PDE6B: variants seen among roughly 807,000 people sequenced by gnomAD.
PDE6B encodes rod cGMP-specific 3',5'-cyclic phosphodiesterase subunit beta.
A neutral mutation model predicts 109.0 loss-of-function variants in PDE6B; 106 were observed. The ratio of observed to expected loss-of-function variants is 0.97; its 90% CI spans 0.83 to 1.14. PDE6B has a LOEUF of 1.14. Among genes scored for constraint, PDE6B ranks in the 50% most tolerant of loss-of-function variants. PDE6B has a pLI of 0.00. For synonymous variants in PDE6B, 490 were observed against 471.3 expected (o/e 1.04, Z -0.51); for missense variants, 1,193 against 1,155.6 (o/e 1.03, Z -0.47).
chr4:634,558 C>G, intron 1 of PDE6B, 119 bp from the exon 2 acceptor site: 1 of 873,174 alleles, frequency 1.1e-6, no homozygotes, highest in Middle Eastern at 3.2e-4. Flanking sequence ...AGCAGGGCCC[C>G]TGGGCACCTC....
chr4:657,972 G>A (rs1273462568), intron 10 of PDE6B, among the ~76,000 whole-genome samples: 2 of 143,506 alleles, frequency 1.4e-5, no homozygotes, highest in Admixed American at 6.9e-5. Flanking sequence ...CTGTGCAGCA[G>A]AGGCAGGTCA....
Position 647,815 on chromosome 4 carries a change from G to A in PDE6B, c.712-6037G>A, listed in dbSNP as rs532331165. ...TGGCCAGGTGTGATGGCTCATGCCT[G>A]TAATCCCAGCACTTTGGGAGGCTGA... On this transcript the variant is annotated intron_variant, in intron 3 of 21. Transcript: ENST00000496514. 1.2e-4 allele frequency among the ~76,000 whole-genome samples: 18 copies of A among 152,158 alleles called. No homozygotes were observed. The South Asian group carries it at 2.7e-3, about 23-fold the overall frequency.
chr4:646,326 G>A (rs1415961001), intron 3 of PDE6B, among the ~76,000 whole-genome samples: 2 of 151,854 alleles, frequency 1.3e-5, no homozygotes, highest in African/African-American at 4.9e-5. Flanking sequence ...CATCGTTTCT[G>A]ATGAGATGTT....
Position 657,359 on chromosome 4 carries a change from A to G in PDE6B, c.1266A>G (p.Thr422=). The G allele has an allele frequency of 1.2e-6, 2 of 1,612,990 alleles. No individual in the cohort carries two copies. The highest frequency in any genetic ancestry group is 4.5e-5 in the East Asian group (2 of 44,882). Reference sequence around the variant, plus strand: ...ACTGCCATCCCCTCCAGTCCCTGACACAGTTCCTGGGCTGGTCAGTGATGA... The same window carrying G: ...ACTGCCATCCCCTCCAGTCCCTGACGCAGTTCCTGGGCTGGTCAGTGATGA... ...EQDEVLMESL[T]QFLGWSVMNT... The change falls in exon 10 of 22, where the codon ACA becomes ACG. Residue 422 remains threonine, a synonymous_variant. Coordinates refer to ENST00000496514, the MANE Select transcript of PDE6B (RefSeq NM_000283.4).
Position 660,474 on chromosome 4 carries a change from A to G in PDE6B, c.1475A>G (p.Glu492Gly). The G allele has an allele frequency of 6.2e-7, 1 of 1,613,904 alleles. No individual in the cohort carries two copies. ...CCACAATCCCTCCCACAGAAGGAGG[A>G]GCTGCCAGGGCCCACCACATTTGAC... ...EDELGEILKE[E>G]LPGPTTFDIY... The change falls in exon 12 of 22, where the codon GAG (glutamate) becomes GGG (glycine). Residue 492 changes from glutamate (E) to glycine (G), a missense_variant. Glu to Gly is a moderately conservative substitution (Grantham distance 98, BLOSUM62 -2). Transcript: ENST00000496514.
In PDE6B at chr4:666,559, A is replaced by G; in HGVS notation, c.2297A>G (p.Glu766Gly). Residue 766 changes from glutamate to glycine, a missense_variant, in exon 20 of 22, where the codon GAG (glutamate) becomes GGG (glycine). Glu to Gly is a moderately conservative substitution (Grantham distance 98, BLOSUM62 -2). Transcript: ENST00000496514. The surrounding 1 kb of genome is among the most constrained non-coding windows in gnomAD (Gnocchi z 5.6). ...ATGATGGACCGGAACAAGGCGGCCG[A>G]GCTCCCCAAGCTGCAAGTGGGCTTC... ...IPMMDRNKAA[E>G]LPKLQVGFID... 6.2e-7 allele frequency: 1 copy of G among 1,613,176 alleles called. No individual in the cohort carries two copies. Among genetic ancestry groups the G allele is most frequent in the Non-Finnish European group, 8.5e-7 (1 of 1,179,460 alleles).
At position 634,860 on chromosome 4, in the gene PDE6B, C is replaced by T. The variant is rs769096236; in HGVS notation, c.621+31C>T. ...TGTGGGGGGCACCTGGGCAGCCGCG[C>T]GTCTGCCTCCCTGCCTGCCTGCCCG... On this transcript the variant is annotated intron_variant, in intron 2 of 21. Transcript: ENST00000496514. 9.4e-6 allele frequency: 15 copies of T among 1,602,358 alleles called. 1 individual carries two copies. The highest frequency in any genetic ancestry group is 5.5e-5 in the South Asian group (5 of 90,814).
chr4:661,229 T>A (rs1046336643), intron 12 of PDE6B: 1 of 152,618 alleles, frequency 6.6e-6, no homozygotes, highest in African/African-American at 2.4e-5. Context: ...GTTTTATTAT[T>A]AGGAGTTCCA....
At chr4:640,074 G>A (rs1047455410) in intron 3 of PDE6B, among the ~76,000 whole-genome samples, 1 of 152,190 alleles carries the variant, frequency 6.6e-6, no homozygotes, top group Non-Finnish European at 1.5e-5. Flanking sequence ...GGAAGGCTGA[G>A]GTGGGAGAAT....
intron 5 of PDE6B, chr4:654,416 G>T (rs1735945325): frequency 6.3e-6 from 4 of 631,688 alleles, no homozygotes; most frequent in South Asian, 5.3e-5. Flanking sequence ...GGGGGCTCCT[G>T]CTGCCCCATC....
chr4:645,701 C>G (rs902135313), intron 3 of PDE6B, among the ~76,000 whole-genome samples: 2 of 151,958 alleles, frequency 1.3e-5, no homozygotes, highest in African/African-American at 4.8e-5. Flanking sequence ...ATCATCCCCT[C>G]TTTTTTTCTG....
At chr4:669,427 C>G (rs1738220525) in intron 21 of PDE6B, among the ~76,000 whole-genome samples, 1 of 127,656 alleles carries the variant, frequency 7.8e-6, no homozygotes, top group African/African-American at 3.4e-5. Context: ...CTACCCCATG[C>G]TATTCCCCTA....
At chr4:668,138 G>A (rs1738015277) in intron 21 of PDE6B, 132 bp downstream of exon 21, 1 of 902,684 alleles carries the variant, frequency 1.1e-6, no homozygotes, top group Non-Finnish European at 1.7e-6. Flanking sequence ...GGTGGACAGG[G>A]CCACAGTGCA....
chr4:664,200 C>T lies in PDE6B; in HGVS notation c.2108C>T (p.Thr703Met). 6.2e-7 allele frequency: 1 copy of T among 1,604,736 alleles called. No individual in the cohort carries two copies. The highest frequency in any genetic ancestry group is 8.5e-7 in the Non-Finnish European group (1 of 1,171,896). The change falls in exon 17 of 22, where the codon ACG becomes ATG. Residue 703 changes from threonine (T) to methionine (M), a missense_variant. Transcript: ENST00000496514. ...KSWVEYLSLE[T>M]TRKEIVMAMM... The stretch of plus-strand genomic sequence containing the variant: ...TGGGTGGAGTACCTGTCCCTGGAGA[C>T]GACCCGGAAGGAGATCGTCATGTGA...
intron 3 of PDE6B, chr4:652,474 A>T (rs1321446339): frequency 1.0e-6 from 1 of 984,536 alleles, no homozygotes; most frequent in African/African-American, 1.7e-5. Flanking sequence ...AGCGTTCGTT[A>T]GCTGGAGCTG....
intron 3 of PDE6B, among the ~76,000 whole-genome samples, chr4:649,169 G>C (rs888845467): frequency 6.6e-6 from 1 of 152,218 alleles, no homozygotes; most frequent in Non-Finnish European, 1.5e-5. Flanking sequence ...GGGGCGGGGC[G>C]GGTGATCCTG....
intron 6 of PDE6B, 66 bp downstream of exon 6, chr4:654,954 CCCCAGGGCCGTCCT>C: frequency 1.0e-6 from 1 of 952,446 alleles, no homozygotes; most frequent in Non-Finnish European, 1.7e-6. Flanking sequence ...CCGGCTCAGC[CCCCAGGGCCGTCCT>C]CCCAGGGCTT....
At chr4:658,670 AG>A (rs1231829587) in intron 10 of PDE6B, among the ~76,000 whole-genome samples, 9 of 152,260 alleles carry the variant, frequency 5.9e-5, no homozygotes, top group African/African-American at 2.2e-4. Context: ...CTCCCCAGCC[AG>A]GGGCCTTGCA....
chr4:654,776 T>G, intron 5 of PDE6B, 48 bp from the exon 6 acceptor site: 1 of 960,638 alleles, frequency 1.0e-6, no homozygotes. Context: ...TGTGAGCCCC[T>G]CAGAGCTTGG....
Sources: allele counts gnomAD v4.1 joint callset (sites outside exome capture counted in the v4.1 genomes callset), GRCh38; gene constraint gnomAD v4.1.1; non-coding constraint Gnocchi (gnomAD v3.1); transcripts MANE v1.5; gene names NCBI Gene and HGNC (gene_info 2026-07-23, HGNC 2026-07-21).